ADAM22: variants seen among roughly 807,000 people sequenced by gnomAD.
ADAM22 encodes disintegrin and metalloproteinase domain-containing protein 22.
ADAM22 carries 65 observed loss-of-function variants against 144.6 expected under a neutral mutation model. That is an observed-to-expected ratio of 0.45 (90% CI 0.37 to 0.55). The LOEUF is 0.55. Among genes scored for constraint, ADAM22 ranks in the 20% least tolerant of loss-of-function variants. The probability of loss-of-function intolerance (pLI) is 0.00; values close to 1 mark genes in which losing one functional copy is unlikely to be tolerated. For synonymous variants in ADAM22, 391 were observed against 412.6 expected, an observed-to-expected ratio of 0.95 and a Z score of 0.63; for missense variants, 974 against 1,184.9, an observed-to-expected ratio of 0.82 and a Z score of 2.61.
chr7:88,088,145 C>A (rs1218082841), intron 4 of ADAM22, among the ~76,000 whole-genome samples: 1 of 152,112 alleles, frequency 6.6e-6, no homozygotes, highest in African/African-American at 2.4e-5. Context: ...AGTATAGTTA[C>A]ATTCAATGAC....
At chr7:87,964,622 A>ATT in intron 2 of ADAM22, 2 of 418,472 alleles carry the variant, frequency 4.8e-6, no homozygotes, top group Admixed American at 2.9e-5. Context: ...TACTCATTTA[A>ATT]TTTTTTTTTA....
At chr7:88,039,260 G>C (rs558461786) in intron 3 of ADAM22, among the ~76,000 whole-genome samples, 2 of 150,596 alleles carry the variant, frequency 1.3e-5, no homozygotes, top group Non-Finnish European at 3.0e-5. Flanking sequence ...TGGCTAACAC[G>C]GTGAAACCCC....
chr7:88,018,595 T>G (rs555419983), intron 3 of ADAM22, among the ~76,000 whole-genome samples: 73 of 152,292 alleles, frequency 4.8e-4, no homozygotes, highest in African/African-American at 1.7e-3. Context: ...TATTCCTTAT[T>G]TGCAACATTT....
chr7:88,026,444 C>T (rs1252849936), intron 3 of ADAM22, among the ~76,000 whole-genome samples: 1 of 152,116 alleles, frequency 6.6e-6, no homozygotes, highest in Non-Finnish European at 1.5e-5. Flanking sequence ...AATTCCACCC[C>T]GATGATACAG....
intron 17 of ADAM22, 89 bp downstream of exon 17, chr7:88,145,596 A>G: frequency 9.7e-7 from 1 of 1,028,782 alleles, no homozygotes; most frequent in Non-Finnish European, 1.5e-6. Context: ...TAATAACAGA[A>G]ATAGTATCTA....
intron 4 of ADAM22, among the ~76,000 whole-genome samples, chr7:88,103,481 T>A (rs1823505428): frequency 6.6e-6 from 1 of 152,162 alleles, no homozygotes; most frequent in African/African-American, 2.4e-5. Flanking sequence ...ATAATAGACA[T>A]ATAAACTATC....
intron 4 of ADAM22, among the ~76,000 whole-genome samples, chr7:88,092,802 C>T (rs1180999935): frequency 6.6e-6 from 1 of 152,134 alleles, no homozygotes; most frequent in Non-Finnish European, 1.5e-5. Context: ...AATATGTTGG[C>T]CCATTGCCAG....
chr7:88,044,197 A>G (rs1472196698), intron 3 of ADAM22, among the ~76,000 whole-genome samples: 1 of 152,188 alleles, frequency 6.6e-6, no homozygotes, highest in Non-Finnish European at 1.5e-5. Context: ...TAGCTAAGCT[A>G]TTGATAATTC....
Position 88,131,185 on chromosome 7 carries a change from T to C in ADAM22, c.826-84T>C, listed in dbSNP as rs187148819. The C allele has an allele frequency of 3.0e-5, 35 of 1,177,308 alleles. No homozygotes were observed. The Admixed American group carries it at 6.6e-4, about 22-fold the overall frequency. The allele number at this position is 1,177,308 out of a possible 1,614,324, so 72.9% of individuals were successfully genotyped here. ...TAACTAAAACTCAAAGAAGTTTCCA[T>C]GAAAGGAGTTTTGTAGTCCTGTTCA... On this transcript the variant is annotated intron_variant, in intron 10 of 31. Transcript: ENST00000413139.
chr7:88,182,224 A>G lies in ADAM22; in HGVS notation c.2663+200A>G, dbSNP rs1847222299. 6 of 480,472 alleles carry G rather than the reference A, an allele frequency of 1.2e-5. No homozygotes were observed. In the Admixed American group the frequency reaches 1.9e-4, roughly 16 times the overall value. 29.8% of individuals were successfully genotyped at this position (480,472 alleles called of 1,614,324 possible). Reference sequence around the variant, plus strand: ...CATCTCCACAACTGTTCCCATACCAATATTCATTGATAGTGGGGGTCTCAC... The same window carrying G: ...CATCTCCACAACTGTTCCCATACCAGTATTCATTGATAGTGGGGGTCTCAC... On this transcript the variant is annotated intron_variant, in intron 29 of 31. Coordinates refer to ENST00000413139, the MANE Select transcript of ADAM22 (RefSeq NM_001324418.2).
chr7:88,195,850 A>G (rs1031058094), intron 31 of ADAM22, among the ~76,000 whole-genome samples: 1 of 152,176 alleles, frequency 6.6e-6, no homozygotes, highest in East Asian at 1.9e-4. Flanking sequence ...TAGTGATAGA[A>G]GTGGAGTGTA....
At chr7:87,934,607 G>C in intron 1 of ADAM22, 57 bp downstream of exon 1, 1 of 1,506,340 alleles carries the variant, frequency 6.6e-7, no homozygotes, top group South Asian at 1.2e-5. Context: ...AATCTTTGGA[G>C]CCCTCAGGCG....
Position 87,935,099 on chromosome 7 carries a change from G to A in ADAM22, c.159G>A (p.Leu53=), listed in dbSNP as rs1292436379. The change falls in exon 2 of 32, where the codon CTG becomes CTA. Residue 53 remains leucine (L), a synonymous_variant. Coordinates refer to ENST00000413139, the MANE Select transcript of ADAM22 (RefSeq NM_001324418.2). The part of the protein sequence containing the change: ...RFVERQSIVP[L]RLIYRSGGED... ...TGGAGCGCCAGAGCATCGTGCCACT[G>A]CGCCTCATCTACCGCTCGGGCGGCG... 6.2e-7 allele frequency: 1 copy of A among 1,614,080 alleles called. No individual in the cohort carries two copies. The highest frequency in any genetic ancestry group is 1.7e-5 in the Admixed American group (1 of 60,028).
At chr7:87,973,012 C>G (rs1562889716) in intron 2 of ADAM22, among the ~76,000 whole-genome samples, 1 of 152,174 alleles carries the variant, frequency 6.6e-6, no homozygotes, top group Non-Finnish European at 1.5e-5. Flanking sequence ...CTAGGCAATA[C>G]CATTCAGGAC....
At position 88,059,222 on chromosome 7, in the gene ADAM22, T is replaced by C. The variant is rs116520901; in HGVS notation, c.324-16404T>C. On this transcript the variant is annotated intron_variant, in intron 3 of 31. Transcript: ENST00000413139. ...CCTTCTAATGAAATTTCTGCCTCCC[T>C]CTAGAGACGCCCACCCATCCACAAC... is the stretch of plus-strand genomic sequence containing the variant. 5.7e-3 allele frequency among the ~76,000 whole-genome samples: 867 copies of C among 152,246 alleles called. 15 individuals are homozygous for C. The highest frequency in any genetic ancestry group is 0.02 in the African/African-American group (820 of 41,536).
In ADAM22 at chr7:88,117,707, T is replaced by C. The variant is rs899984635; in HGVS notation, c.607+893T>C. ...GCCTTATTTTAATTTTTTTTTTTTTTTTTTGAGACAAAGTCTTGCTCTATC... is the reference window on the plus strand; with the variant it reads ...GCCTTATTTTAATTTTTTTTTTTTTCTTTTGAGACAAAGTCTTGCTCTATC... On this transcript the variant is annotated intron_variant, in intron 7 of 31. Transcript: ENST00000413139. Among the ~76,000 whole-genome samples the C allele has an allele frequency of 2.6e-5, 4 of 151,788 alleles. No individual in the cohort carries two copies. The East Asian group carries it at 7.7e-4, about 29-fold the overall frequency.
intron 3 of ADAM22, among the ~76,000 whole-genome samples, chr7:88,041,211 C>T (rs1427414554): frequency 6.6e-6 from 1 of 151,898 alleles, no homozygotes. Context: ...CACCAATATT[C>T]AAGGGGAAGG....
intron 6 of ADAM22, among the ~76,000 whole-genome samples, 157 bp from the exon 7 acceptor site, chr7:88,116,588 A>T (rs2301998): frequency 0.57 from 86,466 of 151,936 alleles, 25,608 homozygotes; most frequent in East Asian, 0.9. Flanking sequence ...AATACAGGAG[A>T]GAATAGGAGG....
chr7:88,149,831 A>T (rs187359890), intron 18 of ADAM22, among the ~76,000 whole-genome samples: 2 of 152,204 alleles, frequency 1.3e-5, no homozygotes, highest in East Asian at 3.9e-4. Context: ...GAATTAAAGG[A>T]TTTTATTTCT....
Sources: gnomAD v4.1 joint callset for allele counts (sites outside exome capture counted in the v4.1 genomes callset) on GRCh38, gnomAD v4.1.1 for gene constraint, MANE v1.5 for transcripts, NCBI Gene and HGNC (gene_info 2026-07-23, HGNC 2026-07-21) for gene names.